The following ADGRB3 variants were observed in gnomAD, a reference collection of about 807,000 sequenced individuals.
ADGRB3 encodes the protein adhesion G protein-coupled receptor B3.
Under a neutral mutation model 193.4 loss-of-function variants are expected in ADGRB3, and 37 were observed. The ratio of observed to expected loss-of-function variants is 0.19; its 90% CI spans 0.15 to 0.25. ADGRB3 has a LOEUF of 0.25. Among genes scored for constraint, ADGRB3 ranks in the 10% least tolerant of loss-of-function variants. The probability of loss-of-function intolerance (pLI) is 1.00; values close to 1 mark genes in which losing one functional copy is unlikely to be tolerated. For missense variants in ADGRB3, 1,637 were observed against 1,852.9 expected (o/e 0.88, Z 2.14); for synonymous variants, 690 against 644.2 (o/e 1.07, Z -1.08).
chr6:68,833,272 T>C (rs1767987042), intron 3 of ADGRB3, among the ~76,000 whole-genome samples: 1 of 151,936 alleles, frequency 6.6e-6, no homozygotes, highest in Non-Finnish European at 1.5e-5. Flanking sequence ...AGAACAAGCA[T>C]TTTTTATTAA....
intron 3 of ADGRB3, among the ~76,000 whole-genome samples, chr6:68,841,698 A>G (rs1251927771): frequency 6.6e-6 from 1 of 152,182 alleles, no homozygotes; most frequent in African/African-American, 2.4e-5. Flanking sequence ...ATCTTGAAGA[A>G]CTAGGAGAGG....
chr6:69,040,381 C>CTTTCTTTCTTTCTTTCTT lies in ADGRB3; in HGVS notation c.2108-7803_2108-7802insTTCTTTCTTTCTTTCTTT, dbSNP rs1383554780. 1.0e-3 allele frequency among the ~76,000 whole-genome samples: 57 copies of CTTTCTTTCTTTCTTTCTT among 56,052 alleles called. 4 individuals are homozygous for CTTTCTTTCTTTCTTTCTT. Among genetic ancestry groups the CTTTCTTTCTTTCTTTCTT allele is most frequent in the East Asian group, 5.5e-3 (11 of 2,018 alleles). The allele number at this position is 56,052 out of a possible 152,430, so 36.8% of individuals were successfully genotyped here. A position where few individuals can be genotyped will look rare whatever the true frequency, so the allele number is the denominator to read the frequency against. ...TCTTTCTTTCTTTCTTTCTTTCCTT[C>CTTTCTTTCTTTCTTTCTT]TCTCTCTTTCTTTCCTTCACGCAGG... is the stretch of plus-strand genomic sequence containing the variant. On this transcript the variant is annotated intron_variant, in intron 13 of 31. Transcript: ENST00000370598.
At chr6:69,318,262 T>C (rs1044857378) in intron 20 of ADGRB3, among the ~76,000 whole-genome samples, 1 of 151,486 alleles carries the variant, frequency 6.6e-6, no homozygotes, top group Non-Finnish European at 1.5e-5. Flanking sequence ...CAATATATAA[T>C]TTCCAAATAA....
chr6:68,943,243 A>G (rs984305915), intron 5 of ADGRB3, among the ~76,000 whole-genome samples: 2 of 152,162 alleles, frequency 1.3e-5, no homozygotes, highest in Admixed American at 6.5e-5. Flanking sequence ...TCTGTTTGAA[A>G]TTCTTTTTAT....
At chr6:68,994,076 C>T in intron 11 of ADGRB3, 114 bp downstream of exon 11, 1 of 316,766 alleles carries the variant, frequency 3.2e-6, no homozygotes, top group Non-Finnish European at 5.9e-6. Context: ...AATGCTCATC[C>T]AAGTTATGCT....
intron 30 of ADGRB3, among the ~76,000 whole-genome samples, chr6:69,376,153 C>T (rs1410459405): frequency 8.4e-6 from 1 of 119,134 alleles, no homozygotes. Flanking sequence ...TGCAGTGGTG[C>T]AATCTTGGCT....
chr6:68,918,580 AAC>A (rs1175782439), intron 3 of ADGRB3, among the ~76,000 whole-genome samples: 1 of 152,196 alleles, frequency 6.6e-6, no homozygotes, highest in Non-Finnish European at 1.5e-5. Context: ...TAAATTTTTA[AAC>A]ACACACTTGG....
chr6:69,299,748 T>C (rs1206477465), intron 20 of ADGRB3, among the ~76,000 whole-genome samples: 3 of 151,920 alleles, frequency 2.0e-5, no homozygotes, highest in Admixed American at 1.3e-4. Context: ...TATGTGTCTG[T>C]ATTTATGTCA....
At chr6:68,912,875 G>T (rs537209760) in intron 3 of ADGRB3, among the ~76,000 whole-genome samples, 2 of 152,092 alleles carry the variant, frequency 1.3e-5, no homozygotes, top group Non-Finnish European at 2.9e-5. Context: ...GCGCTTTTCC[G>T]ATGGGCTTAA....
chr6:68,952,883 C>T (rs1163726141), intron 6 of ADGRB3, among the ~76,000 whole-genome samples: 1 of 152,106 alleles, frequency 6.6e-6, no homozygotes, highest in Non-Finnish European at 1.5e-5. Flanking sequence ...AATATTAACA[C>T]TCTTAAGCTT....
At chr6:68,654,992 A>G (rs918801021) in intron 3 of ADGRB3, among the ~76,000 whole-genome samples, 1 of 151,610 alleles carries the variant, frequency 6.6e-6, no homozygotes, top group Non-Finnish European at 1.5e-5. Flanking sequence ...GTTTCAAAAA[A>G]GAACAATTTA....
intron 13 of ADGRB3, among the ~76,000 whole-genome samples, chr6:69,042,547 G>T (rs893064110): frequency 6.6e-6 from 1 of 152,216 alleles, no homozygotes; most frequent in Non-Finnish European, 1.5e-5. Context: ...TGCCAAGGGG[G>T]TAATGCTACA....
chr6:68,816,483 T>C (rs1230853246), intron 3 of ADGRB3, among the ~76,000 whole-genome samples: 1 of 152,064 alleles, frequency 6.6e-6, no homozygotes, highest in Non-Finnish European at 1.5e-5. Flanking sequence ...TTTCTCCTTA[T>C]TCTAATTAGT....
At chr6:68,666,376 A>G (rs1768802131) in intron 3 of ADGRB3, among the ~76,000 whole-genome samples, 1 of 151,798 alleles carries the variant, frequency 6.6e-6, no homozygotes, top group Non-Finnish European at 1.5e-5. Context: ...TCCACCATTA[A>G]AGTTGTCTAT....
At chr6:69,269,775 A>C (rs1019411492) in intron 20 of ADGRB3, among the ~76,000 whole-genome samples, 2 of 152,152 alleles carry the variant, frequency 1.3e-5, no homozygotes, top group African/African-American at 4.8e-5. Context: ...CATACTCTTG[A>C]TACTTTAGTT....
At chr6:68,690,749 T>C (rs1434755427) in intron 3 of ADGRB3, among the ~76,000 whole-genome samples, 1 of 152,120 alleles carries the variant, frequency 6.6e-6, no homozygotes, top group East Asian at 1.9e-4. Context: ...TTAAGTACAA[T>C]TATATGGGTT....
chr6:69,172,195 T>C (rs1027351088), intron 17 of ADGRB3, among the ~76,000 whole-genome samples: 3 of 152,188 alleles, frequency 2.0e-5, no homozygotes, highest in African/African-American at 7.2e-5. Flanking sequence ...TCTATTTGTC[T>C]ACAACCACTG....
chr6:69,073,876 C>T (rs1041024658), intron 16 of ADGRB3, among the ~76,000 whole-genome samples: 1 of 152,156 alleles, frequency 6.6e-6, no homozygotes, highest in Non-Finnish European at 1.5e-5. Flanking sequence ...CGACCTCCGC[C>T]CCAGTCTTTC....
intron 8 of ADGRB3, among the ~76,000 whole-genome samples, chr6:68,968,058 G>A (rs1311949966): frequency 6.6e-6 from 1 of 152,034 alleles, no homozygotes; most frequent in Non-Finnish European, 1.5e-5. Context: ...ACTGATGCTA[G>A]TTTAATCATT....
Sources: gnomAD v4.1 joint callset for allele counts (sites outside exome capture counted in the v4.1 genomes callset) on GRCh38, gnomAD v4.1.1 for gene constraint, MANE v1.5 for transcripts, NCBI Gene and HGNC (gene_info 2026-07-23, HGNC 2026-07-21) for gene names.